CA10: variants seen among roughly 807,000 people sequenced by gnomAD.
CA10 encodes the protein carbonic anhydrase 10 (inactive), also known as carbonic anhydrase-related protein 10.
CA10 carries 14 observed loss-of-function variants against 44.2 expected under a neutral mutation model. The ratio of observed to expected loss-of-function variants is 0.32; its 90% CI spans 0.21 to 0.50. The LOEUF (loss-of-function observed/expected upper bound fraction) is 0.50. CA10 is among the 20% of genes least tolerant of loss of function. The pLI is 0.99. For synonymous variants in CA10, 159 were observed against 141.6 expected (o/e 1.12, Z -0.87); for missense variants, 350 against 409.7 (o/e 0.85, Z 1.26).
intron 2 of CA10, among the ~76,000 whole-genome samples, chr17:52,015,492 A>T (rs1483494447): frequency 6.6e-6 from 1 of 152,166 alleles, no homozygotes; most frequent in African/African-American, 2.4e-5. Context: ...TAAGAAAGTT[A>T]ATAGCTAGAT....
intron 4 of CA10, among the ~76,000 whole-genome samples, chr17:51,716,430 T>G (rs1916115733): frequency 6.6e-6 from 1 of 152,020 alleles, no homozygotes; most frequent in Admixed American, 6.6e-5. Context: ...CTCATGGTTC[T>G]CTCCCCTTTT....
At chr17:52,145,965 C>A (rs558746828) in intron 1 of CA10, among the ~76,000 whole-genome samples, 8 of 152,054 alleles carry the variant, frequency 5.3e-5, no homozygotes, top group African/African-American at 1.9e-4. Flanking sequence ...AAACTAGAAA[C>A]AACATATATG....
chr17:51,717,125 T>A (rs540262265), intron 4 of CA10, among the ~76,000 whole-genome samples: 1 of 152,130 alleles, frequency 6.6e-6, no homozygotes, highest in Non-Finnish European at 1.5e-5. Flanking sequence ...CTAGGGGAAT[T>A]TTTTTGTTCT....
chr17:52,091,647 T>C, intron 1 of CA10, among the ~76,000 whole-genome samples: 1 of 152,204 alleles, frequency 6.6e-6, no homozygotes, highest in East Asian at 1.9e-4. Context: ...GAGAGTTACT[T>C]CAAGCTCTAA....
chr17:51,741,096 C>G (rs771299135), intron 4 of CA10, among the ~76,000 whole-genome samples: 7 of 152,168 alleles, frequency 4.6e-5, no homozygotes, highest in Non-Finnish European at 5.9e-5. Flanking sequence ...TATTTGTTAA[C>G]TGGATGAATG....
intron 4 of CA10, among the ~76,000 whole-genome samples, chr17:51,675,656 C>T (rs1272797001): frequency 6.6e-6 from 1 of 151,478 alleles, no homozygotes; most frequent in Non-Finnish European, 1.5e-5. Context: ...GCGGAGGTTG[C>T]AGTGAGCCTA....
intron 1 of CA10, among the ~76,000 whole-genome samples, chr17:52,114,928 C>A (rs994898349): frequency 9.2e-5 from 14 of 152,176 alleles, no homozygotes; most frequent in African/African-American, 3.4e-4. Flanking sequence ...CACTGGGGCC[C>A]CCTAATGCTA....
chr17:51,972,640 G>T (rs1030655839), intron 2 of CA10, among the ~76,000 whole-genome samples: 1 of 152,026 alleles, frequency 6.6e-6, no homozygotes, highest in African/African-American at 2.4e-5. Flanking sequence ...AGAGGCCCTT[G>T]TTTGAAAATA....
chr17:52,094,410 G>A (rs1460260006), intron 1 of CA10, among the ~76,000 whole-genome samples: 3 of 152,038 alleles, frequency 2.0e-5, no homozygotes, highest in Non-Finnish European at 2.9e-5. Flanking sequence ...CAGGAAACTG[G>A]AGTAAGCAAA....
intron 3 of CA10, among the ~76,000 whole-genome samples, chr17:51,748,134 G>A: frequency 6.6e-6 from 1 of 152,190 alleles, no homozygotes; most frequent in East Asian, 1.9e-4. Context: ...ATAAGGATTT[G>A]GAATGGAAAG....
chr17:52,007,520 A>C (rs1268382830), intron 2 of CA10, among the ~76,000 whole-genome samples: 1 of 151,570 alleles, frequency 6.6e-6, no homozygotes, highest in Non-Finnish European at 1.5e-5. Flanking sequence ...CAATGTACAG[A>C]ATTATACTGA....
At chr17:51,664,446 G>GA (rs1914136724) in intron 4 of CA10, among the ~76,000 whole-genome samples, 1 of 146,182 alleles carries the variant, frequency 6.8e-6, no homozygotes, top group Admixed American at 7.1e-5. Context: ...GAATGAAGCA[G>GA]AAAAAAAGGG....
chr17:51,878,143 C>CAAAAAAA (rs558014863), intron 3 of CA10, among the ~76,000 whole-genome samples: 400 of 63,156 alleles, frequency 6.3e-3, no homozygotes, highest in Non-Finnish European at 6.9e-3. Context: ...GACTCCGTCT[C>CAAAAAAA]AAAAAAAAAA....
In CA10 at chr17:52,100,402, GA is replaced by G. The variant is rs1032370022; in HGVS notation, c.62-28010del. Among the ~76,000 whole-genome samples, 31 of 151,342 alleles carry G rather than the reference GA, an allele frequency of 2.0e-4. 2 individuals are homozygous for G. Among genetic ancestry groups the G allele is most frequent in the African/African-American group, 7.5e-4 (31 of 41,348 alleles). On this transcript the variant is annotated intron_variant, in intron 1 of 8. Coordinates refer to ENST00000451037, the MANE Select transcript of CA10 (RefSeq NM_020178.5). ...TGCCTCAATTTTCTTCTATATTTGA[GA>G]AAAAAACATAACCCATTCTCAAGGG...
At chr17:51,969,599 A>T (rs1319470417) in intron 2 of CA10, among the ~76,000 whole-genome samples, 1 of 152,074 alleles carries the variant, frequency 6.6e-6, no homozygotes, top group African/African-American at 2.4e-5. Context: ...TGAATAGAAG[A>T]ATAGATTGGA....
chr17:51,871,394 ATTTTTTTTT>A (rs11438821), intron 3 of CA10, among the ~76,000 whole-genome samples: 1 of 81,280 alleles, frequency 1.2e-5, no homozygotes, highest in East Asian at 4.1e-4. Flanking sequence ...ACCAGGCCTA[ATTTTTTTTT>A]TTTTTTTTTT....
intron 3 of CA10, among the ~76,000 whole-genome samples, chr17:51,903,444 T>TTA (rs967036144): frequency 1.2e-4 from 18 of 152,248 alleles, no homozygotes; most frequent in African/African-American, 4.3e-4. Flanking sequence ...TGTTCTCAGT[T>TTA]TATATATGGA....
intron 4 of CA10, among the ~76,000 whole-genome samples, chr17:51,722,595 C>G (rs146130654): frequency 2.0e-5 from 3 of 152,196 alleles, no homozygotes; most frequent in African/African-American, 7.2e-5. Flanking sequence ...TCCCCTTGCT[C>G]CTTTACCAAA....
At chr17:52,089,033 T>A (rs1988192941) in intron 1 of CA10, among the ~76,000 whole-genome samples, 1 of 152,210 alleles carries the variant, frequency 6.6e-6, no homozygotes, top group Non-Finnish European at 1.5e-5. Flanking sequence ...TGCTCCACAG[T>A]GCTACAATTC....
Sources: gnomAD v4.1 joint callset for allele counts (sites outside exome capture counted in the v4.1 genomes callset) on GRCh38, gnomAD v4.1.1 for gene constraint, MANE v1.5 for transcripts, NCBI Gene and HGNC (gene_info 2026-07-23, HGNC 2026-07-21) for gene names.